Variants in WNT9B observed in about 807,000 individuals in gnomAD.
WNT9B encodes the protein protein Wnt-9b.
A neutral mutation model predicts 30.2 loss-of-function variants in WNT9B; 12 were observed. The observed-to-expected ratio is 0.40, with a 90% CI of 0.26 to 0.64. WNT9B has a LOEUF of 0.64. Among genes scored for constraint, WNT9B ranks in the 30% least tolerant of loss-of-function variants. The probability of loss-of-function intolerance (pLI) is 0.42; values close to 1 mark genes in which losing one functional copy is unlikely to be tolerated. For synonymous variants in WNT9B, 218 were observed against 216.9 expected (o/e 1.01, Z -0.05); for missense variants, 442 against 485.2 (o/e 0.91, Z 0.84).
At chr17:46,876,030 A>G (rs934325851) in intron 3 of WNT9B, among the ~76,000 whole-genome samples, 2 of 152,196 alleles carry the variant, frequency 1.3e-5, no homozygotes, top group African/African-American at 4.8e-5. Context: ...TGCTGTGTTC[A>G]GTCACTCAGT....
intron 1 of WNT9B, among the ~76,000 whole-genome samples, chr17:46,855,063 C>G (rs2084916447): frequency 6.6e-6 from 1 of 151,642 alleles, no homozygotes; most frequent in Non-Finnish European, 1.5e-5. Flanking sequence ...ATCTGAAGGT[C>G]AGAAAGGTTC....
chr17:46,867,367 G>C (rs1044810367), intron 1 of WNT9B, among the ~76,000 whole-genome samples: 2 of 152,232 alleles, frequency 1.3e-5, no homozygotes, highest in Admixed American at 1.3e-4. Context: ...TTGAACCCAG[G>C]CAGTCTGGCT....
At chr17:46,885,265 C>T (rs1020574659), downstream of WNT9B, 1 of 297,374 alleles carries the variant, frequency 3.4e-6, no homozygotes, top group Admixed American at 5.0e-5. Context: ...CTCGGCCTCC[C>T]AAAGTGCTGG....
rs147677642 is a variant in WNT9B at position 46,875,331 on chromosome 17, C to G, written c.565C>G (p.Arg189Gly). The G allele has an allele frequency of 1.2e-6, 2 of 1,611,752 alleles. No homozygotes were observed. The highest frequency in any genetic ancestry group is 3.3e-5 in the Admixed American group (2 of 59,910). ...SKRGNKDLRARADAHNTHVGI... is the reference protein window; with the variant it reads ...SKRGNKDLRAGADAHNTHVGI... Reference sequence around the variant, plus strand: ...GAGAGGAAACAAGGACCTGCGGGCACGGGCAGACGCCCACAATACCCACGT... The same window carrying G: ...GAGAGGAAACAAGGACCTGCGGGCAGGGGCAGACGCCCACAATACCCACGT... Residue 189 changes from arginine (R) to glycine (G), a missense_variant, in exon 3 of 4, where the codon CGG becomes GGG. Coordinates refer to ENST00000290015, the MANE Select transcript of WNT9B (RefSeq NM_003396.3).
chr17:46,852,096 T>C (rs1273754805), intron 1 of WNT9B, among the ~76,000 whole-genome samples: 2 of 152,234 alleles, frequency 1.3e-5, no homozygotes, highest in East Asian at 1.9e-4. Flanking sequence ...CGGTGCCCTG[T>C]CTGCCGCCAT....
chr17:46,851,027 G>C (rs939387991), upstream of WNT9B, among the ~76,000 whole-genome samples: 5 of 152,206 alleles, frequency 3.3e-5, no homozygotes, highest in African/African-American at 1.2e-4. This position sits in a 1 kb window ranked among gnomAD's most constrained non-coding sequence, Gnocchi z 4.3. Context: ...CCTGGCAACA[G>C]GGTCCCCTGA....
chr17:46,863,734 G>C (rs958812756), intron 1 of WNT9B, among the ~76,000 whole-genome samples: 3 of 152,186 alleles, frequency 2.0e-5, no homozygotes, highest in Non-Finnish European at 2.9e-5. Context: ...AGTTAGACAT[G>C]GCAGAGGACA....
At position 46,872,691 on chromosome 17, in the gene WNT9B, C is replaced by G; in HGVS notation, c.252C>G (p.Leu84=). ...AGACCCTGAGGGATGCTGCGCACCT[C>G]GGCCTGCTTGAGTGCCAGTTTCAGT... is the stretch of plus-strand genomic sequence containing the variant. ...LAETLRDAAH[L]GLLECQFQFR... The change falls in exon 2 of 4, where the codon CTC becomes CTG. Residue 84 remains leucine (L), a synonymous_variant. Coordinates refer to ENST00000290015, the MANE Select transcript of WNT9B (RefSeq NM_003396.3). The G allele has an allele frequency of 6.2e-7, 1 of 1,613,428 alleles. No individual in the cohort carries two copies. Among genetic ancestry groups the G allele is most frequent in the Non-Finnish European group, 8.5e-7 (1 of 1,179,954 alleles).
chr17:46,880,728 T>C (rs1025616545), downstream of WNT9B, among the ~76,000 whole-genome samples: 6 of 152,188 alleles, frequency 3.9e-5, no homozygotes, highest in Admixed American at 6.5e-5. Flanking sequence ...GGGATTTTTT[T>C]CCTCTGTACA....
chr17:46,838,530 G>A (rs1461688456), intron 1 of WNT9B, among the ~76,000 whole-genome samples: 1 of 152,048 alleles, frequency 6.6e-6, no homozygotes, highest in Non-Finnish European at 1.5e-5. Context: ...AGGAGGCTAA[G>A]GCAGGAGGAT....
In WNT9B at chr17:46,876,121, GC is replaced by G; in HGVS notation, c.601-123del. The stretch of plus-strand genomic sequence containing the variant: ...CTCCAGGCCAAGGGGAGGAGCTGGG[GC>G]TGAGACCCTGGGTCTCTTTCCCATT... On this transcript the variant is annotated intron_variant, in intron 3 of 3. Coordinates refer to ENST00000290015, the MANE Select transcript of WNT9B (RefSeq NM_003396.3). The G allele has an allele frequency of 4.4e-6, 4 of 908,262 alleles. No homozygotes were observed. In the South Asian group the frequency reaches 7.1e-5, roughly 16 times the overall value. The allele number at this position is 908,262 out of a possible 1,614,324, so 56.3% of individuals were successfully genotyped here.
chr17:46,846,760 C>T (rs2084780162), upstream of WNT9B, among the ~76,000 whole-genome samples: 1 of 152,176 alleles, frequency 6.6e-6, no homozygotes, highest in South Asian at 2.1e-4. Flanking sequence ...CCTCACAACA[C>T]AATTCAAAGA....
intron 1 of WNT9B, among the ~76,000 whole-genome samples, chr17:46,866,908 C>T (rs2085149344): frequency 1.3e-5 from 2 of 152,290 alleles, no homozygotes; most frequent in Admixed American, 1.3e-4. Flanking sequence ...ATGAGAAAAG[C>T]TCTCCACCAA....
chr17:46,862,395 A>G (rs2085055769), intron 1 of WNT9B, among the ~76,000 whole-genome samples: 1 of 152,170 alleles, frequency 6.6e-6, no homozygotes, highest in Admixed American at 6.5e-5. Flanking sequence ...GGATAAACAA[A>G]GCCCATAATA....
At chr17:46,850,310 G>T (rs764434078), upstream of WNT9B, among the ~76,000 whole-genome samples, 1 of 152,216 alleles carries the variant, frequency 6.6e-6, no homozygotes, top group Non-Finnish European at 1.5e-5. Flanking sequence ...GATAGGGCTG[G>T]CAGAGCTGTT....
chr17:46,867,884 C>T (rs761718452), intron 1 of WNT9B, among the ~76,000 whole-genome samples: 35 of 152,092 alleles, frequency 2.3e-4, no homozygotes, highest in Admixed American at 6.5e-4. Context: ...CAGAGGTCAT[C>T]GCATGTGTGG....
At chr17:46,849,990 GGCATGCA>G (rs1401036585), upstream of WNT9B, among the ~76,000 whole-genome samples, 25 of 152,056 alleles carry the variant, frequency 1.6e-4, no homozygotes, top group African/African-American at 5.1e-4. Context: ...TGGGATTACA[GGCATGCA>G]CTGCCACACC....
intron 1 of WNT9B, among the ~76,000 whole-genome samples, chr17:46,862,715 T>A (rs983671867): frequency 6.6e-6 from 1 of 152,178 alleles, no homozygotes; most frequent in South Asian, 2.1e-4. Context: ...CCCGAGTAGC[T>A]AGGACAACAG....
At chr17:46,871,708 G>A (rs1303118358) in intron 1 of WNT9B, among the ~76,000 whole-genome samples, 1 of 152,208 alleles carries the variant, frequency 6.6e-6, no homozygotes. Flanking sequence ...ATCAGCCTTA[G>A]AATTTGGTAG....
Sources: gnomAD v4.1 joint callset for allele counts (sites outside exome capture counted in the v4.1 genomes callset) on GRCh38, gnomAD v4.1.1 for gene constraint, Gnocchi (gnomAD v3.1) non-coding constraint, MANE v1.5 for transcripts, NCBI Gene and HGNC (gene_info 2026-07-23, HGNC 2026-07-21) for gene names.